CROCC2: variants seen among roughly 807,000 people sequenced by gnomAD.
CROCC2 encodes the protein ciliary rootlet coiled-coil protein 2.
Under a neutral mutation model 177.6 loss-of-function variants are expected in CROCC2, and 163 were observed. The ratio of observed to expected loss-of-function variants is 0.92; its 90% CI spans 0.81 to 1.05. The LOEUF (loss-of-function observed/expected upper bound fraction) is 1.05, where lower values mean the gene tolerates loss of function less well. Ranked by LOEUF, CROCC2 falls within the 50% of genes least tolerant of loss-of-function variation. The pLI is 0.00. For synonymous variants in CROCC2, 904 were observed against 787.3 expected, an observed-to-expected ratio of 1.15 and a Z score of -2.48; for missense variants, 1,929 against 1,797.8, an observed-to-expected ratio of 1.07 and a Z score of -1.32.
intron 10 of CROCC2, 148 bp from the exon 11 acceptor site, chr2:240,933,522 G>T: frequency 9.0e-7 from 1 of 1,116,042 alleles, no homozygotes; most frequent in Non-Finnish European, 1.3e-6. Context: ...GGACACACCC[G>T]CCAGTGAGAC....
At chr2:240,926,199 A>G (rs4073151) in intron 5 of CROCC2, among the ~76,000 whole-genome samples, 60,674 of 152,102 alleles carry the variant, frequency 0.4, 12,903 homozygotes, top group East Asian at 0.49. Flanking sequence ...CCGTAGGCCG[A>G]ACTCCTGGCC....
At chr2:240,983,438 C>G (rs960637426) in intron 28 of CROCC2, 7 of 1,269,000 alleles carry the variant, frequency 5.5e-6, no homozygotes, top group East Asian at 1.3e-4. Flanking sequence ...GCTCTGCAGG[C>G]CGCAGAGGCT....
At chr2:240,974,271 C>T (rs1371062541) in intron 27 of CROCC2, among the ~76,000 whole-genome samples, 1 of 151,612 alleles carries the variant, frequency 6.6e-6, no homozygotes, top group East Asian at 1.9e-4. Flanking sequence ...ATCAATGTAT[C>T]TCTTCTTTTA....
chr2:240,910,262 G>A (rs575289331), intron 1 of CROCC2, among the ~76,000 whole-genome samples: 5 of 145,442 alleles, frequency 3.4e-5, no homozygotes, highest in African/African-American at 7.5e-5. Context: ...GCCCTTCCTC[G>A]GAATCTCCAG....
intron 1 of CROCC2, among the ~76,000 whole-genome samples, chr2:240,907,563 G>C (rs115600072): frequency 0.017 from 2,636 of 152,294 alleles, 83 homozygotes; most frequent in African/African-American, 0.06. Context: ...CCTGAAAAGA[G>C]AAATGGCCAC....
chr2:240,963,900 G>A, intron 21 of CROCC2, 127 bp downstream of exon 21: 2 of 1,015,374 alleles, frequency 2.0e-6, no homozygotes, highest in Non-Finnish European at 2.9e-6. Flanking sequence ...TGATGGTGGG[G>A]TAGACATGCC....
chr2:240,984,116 C>T (rs1009951340), intron 28 of CROCC2, among the ~76,000 whole-genome samples: 2 of 152,164 alleles, frequency 1.3e-5, no homozygotes, highest in East Asian at 1.9e-4. Flanking sequence ...TGTCATCCCC[C>T]GGCCTCCCCG....
At chr2:240,948,166 C>T (rs763226739) in intron 15 of CROCC2, among the ~76,000 whole-genome samples, 1 of 152,034 alleles carries the variant, frequency 6.6e-6, no homozygotes, top group Admixed American at 6.5e-5. Flanking sequence ...GGAACACTTA[C>T]GGGAGGAGGG....
At chr2:240,983,854 G>T (rs545043652) in intron 28 of CROCC2, among the ~76,000 whole-genome samples, 1 of 152,174 alleles carries the variant, frequency 6.6e-6, no homozygotes, top group Non-Finnish European at 1.5e-5. Flanking sequence ...GCTGGAAACC[G>T]AGTGGCCTGA....
chr2:240,933,035 G>T (rs964135995), intron 9 of CROCC2, 96 bp from the exon 10 acceptor site: 5 of 1,514,684 alleles, frequency 3.3e-6, no homozygotes, highest in South Asian at 2.4e-5. Context: ...CCCAGTGTCG[G>T]GGGTGTCCTT....
In CROCC2 at chr2:240,935,370, C is replaced by T. The variant is rs1007597766; in HGVS notation, c.1951C>T (p.Arg651Trp). Reference protein sequence around the residue: ...NHLALQLEQERDQLREQRKTL... With the variant: ...NHLALQLEQEWDQLREQRKTL... ...CACCTGGTGGCAGCTGGAGCAGGAG[C>T]GGGACCAGCTGCGGGAACAGCGGAA... The change falls in exon 14 of 32, where the codon CGG (arginine) becomes TGG (tryptophan). Residue 651 changes from arginine (R) to tryptophan (W), a missense_variant. Physicochemically the swap from Arg to Trp is moderately radical, Grantham distance 101 (BLOSUM62 -3). Transcript: ENST00000690015. 1.9e-5 allele frequency: 26 copies of T among 1,354,850 alleles called. No individual in the cohort carries two copies. The highest frequency in any genetic ancestry group is 1.0e-4 in the Admixed American group (3 of 29,976). The allele number at this position is 1,354,850 out of a possible 1,614,324, so 83.9% of individuals were successfully genotyped here.
chr2:240,934,623 C>G (rs12613949), intron 12 of CROCC2, 148 bp downstream of exon 12: 30,808 of 882,458 alleles, frequency 0.035, 1,746 homozygotes, highest in East Asian at 0.25. Flanking sequence ...AAGTTCTCTC[C>G]CGTCCCCAAC....
At position 240,982,883 on chromosome 2, in the gene CROCC2, C is replaced by A. The variant is rs769975054; in HGVS notation, c.4405C>A (p.Gln1469Lys). 67 of 1,547,646 alleles carry A rather than the reference C, an allele frequency of 4.3e-5. No homozygotes were observed. The South Asian group carries it at 7.7e-4, about 18-fold the overall frequency. Residue 1469 changes from glutamine (Q) to lysine (K), a missense_variant, in exon 28 of 32, where the codon CAA becomes AAA. Physicochemically the swap from Gln to Lys is moderately conservative, Grantham distance 53 (BLOSUM62 1). Around this residue, in one of 3 missense-constraint regions of CROCC2, gnomAD observed 388 missense variants for 352.7 expected, o/e 1.10. Transcript: ENST00000690015. This position sits in a 1 kb window ranked among gnomAD's most constrained non-coding sequence, Gnocchi z 4.7. ...AGQEKRRLQE[Q>K]LETLRQALEE... Reference sequence around the variant, plus strand: ...CCCTGTGTCTCCTTCCCCCCAGGAGCAACTGGAAACGCTGCGCCAGGCTCT... The same window carrying A: ...CCCTGTGTCTCCTTCCCCCCAGGAGAAACTGGAAACGCTGCGCCAGGCTCT...
At chr2:240,966,105 G>C (rs929209355) in intron 24 of CROCC2, 112 bp downstream of exon 24, 4 of 1,267,444 alleles carry the variant, frequency 3.2e-6, no homozygotes, top group Non-Finnish European at 4.0e-6. Context: ...ACAGGCAATT[G>C]TAGGAACCTG....
At position 240,989,730 on chromosome 2, in the gene CROCC2, C is replaced by T. The variant is rs1056618237; in HGVS notation, c.4760C>T (p.Ala1587Val). The change falls in exon 30 of 32, where the codon GCC becomes GTC. Residue 1587 changes from alanine (A) to valine (V), a missense_variant. By Grantham distance (64) the Ala-to-Val change is moderately conservative. Transcript: ENST00000690015. ...DLTAQHQRDL[A>V]TEAERLHGAR... Reference sequence around the variant, plus strand: ...ACAGCTCAGCACCAGCGGGACCTGGCCACAGAGGCAGAGCGTCTCCATGGG... The same window carrying T: ...ACAGCTCAGCACCAGCGGGACCTGGTCACAGAGGCAGAGCGTCTCCATGGG... The T allele has an allele frequency of 6.4e-6, 10 of 1,550,410 alleles. No individual in the cohort carries two copies. The highest frequency in any genetic ancestry group is 1.7e-4 in the Middle Eastern group (1 of 5,990).
At position 240,965,721 on chromosome 2, in the gene CROCC2, G is replaced by GC; in HGVS notation, c.3691dup (p.Arg1231ProfsTer4). On this transcript the variant is annotated frameshift_variant, in exon 24 of 32. Transcript: ENST00000690015. LOFTEE classifies it high-confidence loss of function. ...CGGCTCCAGGAGCACCTCCGTGAGA[G>GC]CCGGGGGGCTGAGCAGACCCTCCGA... The GC allele has an allele frequency of 2.6e-6, 4 of 1,546,818 alleles. No individual in the cohort carries two copies. Among genetic ancestry groups the GC allele is most frequent in the Non-Finnish European group, 3.5e-6 (4 of 1,145,224 alleles).
At position 240,932,780 on chromosome 2, in the gene CROCC2, AG is replaced by A; in HGVS notation, c.1125del (p.Ser376AlafsTer34). 2 of 1,386,708 alleles carry A rather than the reference AG, an allele frequency of 1.4e-6. No homozygotes were observed. The highest frequency in any genetic ancestry group is 2.0e-6 in the Non-Finnish European group (2 of 998,568). 85.9% of individuals were successfully genotyped at this position (1,386,708 alleles called of 1,614,324 possible). On this transcript the variant is annotated frameshift_variant, in exon 9 of 32. Transcript: ENST00000690015. LOFTEE classifies it high-confidence loss of function. ...ATTGGGGGAGCCACGGCGCCCACTG[AG>A]GAGCCCCCAACGTGCCACATCCCCC... The part of the protein sequence containing the change: ...TELGEPRRPL[R>X]SPQRATSPHQ...
intron 14 of CROCC2, among the ~76,000 whole-genome samples, chr2:240,938,583 A>G (rs1449192957): frequency 6.6e-6 from 1 of 152,156 alleles, no homozygotes; most frequent in East Asian, 1.9e-4. Flanking sequence ...CATCTTGTCA[A>G]TTTCTTCTTC....
In CROCC2 at chr2:240,918,990, G is replaced by A. The variant is rs976976610; in HGVS notation, c.229+114G>A. ...CGGCGTGGGGGACAGTCCTGGGCTCGCGGCTGGCCAAGGTGATGGCGTGGG... is the reference window on the plus strand; with the variant it reads ...CGGCGTGGGGGACAGTCCTGGGCTCACGGCTGGCCAAGGTGATGGCGTGGG... On this transcript the variant is annotated intron_variant, in intron 2 of 31. Coordinates refer to ENST00000690015, the MANE Select transcript of CROCC2 (RefSeq NM_001351305.2). This position sits in a 1 kb window ranked among gnomAD's most constrained non-coding sequence, Gnocchi z 6.3. The A allele has an allele frequency of 1.5e-4, 92 of 629,262 alleles. 1 individual carries two copies. The highest frequency in any genetic ancestry group is 2.2e-4 in the Non-Finnish European group (77 of 347,814). The allele number at this position is 629,262 out of a possible 1,614,324, so 39.0% of individuals were successfully genotyped here.
Sources: allele counts gnomAD v4.1 joint callset (sites outside exome capture counted in the v4.1 genomes callset), GRCh38; gene constraint gnomAD v4.1.1; regional missense constraint gnomAD v4.1.1; non-coding constraint Gnocchi (gnomAD v3.1); transcripts MANE v1.5; gene names NCBI Gene and HGNC (gene_info 2026-07-23, HGNC 2026-07-21).